ADAMTSL1: variants seen among roughly 807,000 people sequenced by gnomAD.
ADAMTSL1 encodes the protein ADAMTS-like protein 1.
ADAMTSL1 carries 126 observed loss-of-function variants against 201.8 expected under a neutral mutation model. That is an observed-to-expected ratio of 0.62 (90% CI 0.54 to 0.72). ADAMTSL1 has a LOEUF of 0.72. Among genes scored for constraint, ADAMTSL1 ranks in the 30% least tolerant of loss-of-function variants. ADAMTSL1 has a pLI of 0.00. For missense variants in ADAMTSL1, 2,679 were observed against 2,277.8 expected (o/e 1.18, Z -3.59); for synonymous variants, 1,121 against 903.4 (o/e 1.24, Z -4.32).
rs148373727 is a variant in ADAMTSL1, at chr9:18,263,079, T to C, written c.207+99098T>C. ...TAAAGTGATTGTTTCACTAGGAGGA[T>C]CTTAGAAGGCATATGTTATTTATCT... On this transcript the variant is annotated intron_variant, in intron 2 of 29. Transcript: ENST00000680146. 8.7e-4 allele frequency among the ~76,000 whole-genome samples: 133 copies of C among 152,292 alleles called. No individual in the cohort carries two copies. The East Asian group carries it at 0.014, about 17-fold the overall frequency.
intron 2 of ADAMTSL1, among the ~76,000 whole-genome samples, chr9:18,399,732 C>T (rs1817911892): frequency 6.6e-6 from 1 of 152,086 alleles, no homozygotes; most frequent in African/African-American, 2.4e-5. Context: ...TTATCAAAGA[C>T]TATAGGAAAA....
At chr9:18,704,388 T>C (rs1374770934) in intron 13 of ADAMTSL1, among the ~76,000 whole-genome samples, 2 of 152,206 alleles carry the variant, frequency 1.3e-5, no homozygotes, top group Non-Finnish European at 2.9e-5. Flanking sequence ...CCTTACTGCA[T>C]AGAAAAAGCT....
intron 16 of ADAMTSL1, among the ~76,000 whole-genome samples, chr9:18,766,544 A>G (rs766675471): frequency 2.4e-4 from 37 of 152,188 alleles, no homozygotes; most frequent in Non-Finnish European, 4.9e-4. Flanking sequence ...TCCGGCTGCT[A>G]AAACAAAATA....
At chr9:18,219,082 AC>A (rs1217829285) in intron 2 of ADAMTSL1, among the ~76,000 whole-genome samples, 1 of 151,332 alleles carries the variant, frequency 6.6e-6, no homozygotes, top group Non-Finnish European at 1.5e-5. Flanking sequence ...TATTTTCATT[AC>A]TCTATTGACT....
intron 2 of ADAMTSL1, among the ~76,000 whole-genome samples, chr9:18,287,251 A>G (rs1025709283): frequency 2.0e-5 from 3 of 152,060 alleles, no homozygotes; most frequent in African/African-American, 7.2e-5. Flanking sequence ...CTCTCATTCC[A>G]TTGGGCAAAG....
chr9:18,589,585 G>A (rs1266829912), intron 4 of ADAMTSL1, among the ~76,000 whole-genome samples: 1 of 151,956 alleles, frequency 6.6e-6, no homozygotes, highest in Admixed American at 6.6e-5. Flanking sequence ...TTGACTAATT[G>A]CTCTGGCTAA....
At chr9:17,987,191 G>C (rs1818963205) in intron 1 of ADAMTSL1, among the ~76,000 whole-genome samples, 2 of 152,070 alleles carry the variant, frequency 1.3e-5, no homozygotes, top group African/African-American at 4.8e-5. Flanking sequence ...TAAAGTAATG[G>C]CAGTAGCAGA....
Position 18,418,395 on chromosome 9 carries a change from A to T in ADAMTSL1, c.208-86434A>T, listed in dbSNP as rs139689892. Among the ~76,000 whole-genome samples, 1,261 of 152,282 alleles carry T rather than the reference A, an allele frequency of 8.3e-3. 13 individuals are homozygous for T. Among genetic ancestry groups the T allele is most frequent in the African/African-American group, 0.028 (1,145 of 41,562 alleles). On this transcript the variant is annotated intron_variant, in intron 2 of 29. Transcript: ENST00000680146. ...TAAGTAAGAAAAAGAAATGAAAATT[A>T]TACAGATCAGAAAGGAAACAAAAGT...
rs369004391 is a variant in ADAMTSL1, at chr9:18,776,896, G to T, written c.2667G>T (p.Leu889=). The change falls in exon 19 of 29, where the codon CTG becomes CTT. Residue 889 remains leucine, a synonymous_variant. Transcript: ENST00000380548. Reference sequence around the variant, plus strand: ...TCGTGGTGGGGGGCTTCGCCTACCTGCTCCCCAAGACGGCGGTGGTGCTGC... The same window carrying T: ...TCGTGGTGGGGGGCTTCGCCTACCTTCTCCCCAAGACGGCGGTGGTGCTGC... ...LHFVVGGFAY[L]LPKTAVVLRC... is the part of the protein sequence containing the mutation. 160 of 1,611,032 alleles carry T rather than the reference G, an allele frequency of 9.9e-5. 4 individuals are homozygous for T. Among genetic ancestry groups the T allele is most frequent in the South Asian group, 6.2e-4 (56 of 90,670 alleles).
chr9:18,780,618 A>G (rs999584000), intron 19 of ADAMTSL1, among the ~76,000 whole-genome samples: 3 of 152,132 alleles, frequency 2.0e-5, no homozygotes, highest in African/African-American at 7.2e-5. Flanking sequence ...CAATGCTCCC[A>G]GAGGCTATCA....
At chr9:18,906,178 C>A (rs1017093026) in intron 27 of ADAMTSL1, among the ~76,000 whole-genome samples, 1 of 152,138 alleles carries the variant, frequency 6.6e-6, no homozygotes, top group Non-Finnish European at 1.5e-5. Flanking sequence ...CTGCACTAGC[C>A]CCAGGGTGGT....
At position 18,622,324 on chromosome 9, in the gene ADAMTSL1, C is replaced by A. The variant is rs139380084; in HGVS notation, c.556C>A (p.Arg186=). The change falls in exon 5 of 29, where the codon CGG becomes AGG. Residue 186 remains arginine (R), a synonymous_variant. Coordinates refer to ENST00000380548, the MANE Select transcript of ADAMTSL1 (RefSeq NM_001040272.6). Reference sequence around the variant, plus strand: ...CTGCAACGGAGATGGGTCCACCTGCCGGCTGGTCCGAGGGCAGTATAAATC... The same window carrying A: ...CTGCAACGGAGATGGGTCCACCTGCAGGCTGGTCCGAGGGCAGTATAAATC... ...GVCNGDGSTC[R]LVRGQYKSQL... 4 of 1,614,008 alleles carry A rather than the reference C, an allele frequency of 2.5e-6. No homozygotes were observed. The highest frequency in any genetic ancestry group is 3.4e-6 in the Non-Finnish European group (4 of 1,179,958).
intron 1 of ADAMTSL1, among the ~76,000 whole-genome samples, chr9:18,055,820 A>C (rs1822156586): frequency 6.6e-6 from 1 of 152,262 alleles, no homozygotes; most frequent in Non-Finnish European, 1.5e-5. Flanking sequence ...TTACAAGTCC[A>C]AGTTATTCGT....
intron 2 of ADAMTSL1, among the ~76,000 whole-genome samples, chr9:18,182,010 T>C (rs1466388605): frequency 6.6e-6 from 1 of 151,808 alleles, no homozygotes; most frequent in African/African-American, 2.4e-5. Context: ...AAATTGGAAA[T>C]CATCATTCTC....
intron 16 of ADAMTSL1, among the ~76,000 whole-genome samples, chr9:18,764,956 T>TA (rs1820278758): frequency 6.6e-6 from 1 of 152,184 alleles, no homozygotes; most frequent in South Asian, 2.1e-4. Flanking sequence ...TTTCAATGAG[T>TA]AATCACTCTA....
At chr9:18,274,879 A>G (rs1056355965) in intron 2 of ADAMTSL1, among the ~76,000 whole-genome samples, 14 of 152,334 alleles carry the variant, frequency 9.2e-5, no homozygotes, top group Admixed American at 9.1e-4. Context: ...AATTTGGCCA[A>G]TAAAAGATCA....
intron 7 of ADAMTSL1, among the ~76,000 whole-genome samples, chr9:18,645,305 T>A (rs909340784): frequency 1.3e-5 from 2 of 152,184 alleles, no homozygotes; most frequent in Non-Finnish European, 2.9e-5. Flanking sequence ...GTCAGATGAG[T>A]AGATTGTTAA....
intron 19 of ADAMTSL1, chr9:18,793,326 G>A (rs1292270655): frequency 6.6e-6 from 1 of 152,214 alleles, no homozygotes. Flanking sequence ...TTCACTGCCA[G>A]ACTGGTCACC....
chr9:18,805,479 G>A (rs1300240077), intron 20 of ADAMTSL1, among the ~76,000 whole-genome samples: 1 of 152,212 alleles, frequency 6.6e-6, no homozygotes, highest in Non-Finnish European at 1.5e-5. Context: ...GCTGGTGATA[G>A]CTAGCATTTA....
Sources: allele counts gnomAD v4.1 joint callset (sites outside exome capture counted in the v4.1 genomes callset), GRCh38; gene constraint gnomAD v4.1.1; transcripts MANE v1.5; gene names NCBI Gene and HGNC (gene_info 2026-07-23, HGNC 2026-07-21).